Variants in SEMA3D observed in about 807,000 individuals in gnomAD.
The protein encoded by SEMA3D is semaphorin 3D.
Under a neutral mutation model 100.1 loss-of-function variants are expected in SEMA3D, and 84 were observed. That is an observed-to-expected ratio of 0.84 (90% CI 0.70 to 1.01). SEMA3D has a LOEUF of 1.01. Among genes scored for constraint, SEMA3D ranks in the 50% least tolerant of loss-of-function variants. The pLI is 0.00. For synonymous variants in SEMA3D, 312 were observed against 320.7 expected (o/e 0.97, Z 0.29); for missense variants, 875 against 934.1 (o/e 0.94, Z 0.82).
intron 1 of SEMA3D, among the ~76,000 whole-genome samples, chr7:85,176,976 G>T (rs1161774325): frequency 1.3e-5 from 2 of 152,082 alleles, no homozygotes; most frequent in East Asian, 3.8e-4. Flanking sequence ...TTCACACTGT[G>T]TCATAGTTGC....
At chr7:85,005,647 A>G (rs567620274) in intron 18 of SEMA3D, among the ~76,000 whole-genome samples, 23 of 152,040 alleles carry the variant, frequency 1.5e-4, no homozygotes, top group African/African-American at 5.1e-4. Context: ...AGGTTTCTTA[A>G]CCTCTCAGCA....
the SEMA3D span, among the ~76,000 whole-genome samples, chr7:85,194,260 G>A: frequency 1.3e-5 from 2 of 152,238 alleles, no homozygotes; most frequent in South Asian, 2.1e-4. Context: ...AGTGGTGAGA[G>A]GAGATAGCAT....
At chr7:85,153,026 A>G (rs778324444) in intron 2 of SEMA3D, among the ~76,000 whole-genome samples, 21 of 152,086 alleles carry the variant, frequency 1.4e-4, no homozygotes, top group Non-Finnish European at 2.5e-4. Flanking sequence ...GTTATAATGT[A>G]TATTCATCCC....
At chr7:85,172,171 C>T (rs1791103425) in intron 1 of SEMA3D, among the ~76,000 whole-genome samples, 3 of 151,892 alleles carry the variant, frequency 2.0e-5, no homozygotes, top group African/African-American at 7.3e-5. Flanking sequence ...ATTTAGAAAT[C>T]ACTAAATAAT....
chr7:85,240,834 T>A, the SEMA3D span, among the ~76,000 whole-genome samples: 2 of 152,154 alleles, frequency 1.3e-5, no homozygotes, highest in Non-Finnish European at 2.9e-5. Flanking sequence ...ATTTTAATGC[T>A]GTCTTTCTGT....
rs771741054 is a variant in SEMA3D, at chr7:85,097,934, A to G, written c.183T>C (p.Phe61=). The G allele has an allele frequency of 5.0e-6, 8 of 1,605,898 alleles. No individual in the cohort carries two copies. The African/African-American group carries it at 8.0e-5, about 16-fold the overall frequency. The change falls in exon 4 of 19, where the codon TTT becomes TTC. Residue 61 remains phenylalanine, a synonymous_variant. Transcript: ENST00000284136. ...AATCCAGTCCTTCTGATGAACCCAA[A>G]AAGGGAATACAGCTATTTGAAAGCA... The part of the protein sequence containing the change: ...DLLLSNSCIP[F]LGSSEGLDFQ...
At position 85,052,933 on chromosome 7, in the gene SEMA3D, T is replaced by G. The variant is rs185831625; in HGVS notation, c.861+2784A>C. Among the ~76,000 whole-genome samples the G allele has an allele frequency of 1.1e-3, 164 of 152,062 alleles. 1 individual carries two copies. The highest frequency in any genetic ancestry group is 3.8e-3 in the African/African-American group (159 of 41,540). On this transcript the variant is annotated intron_variant, in intron 9 of 18. Transcript: ENST00000284136. ...ATAATGTTTCTCTATTGCCAAAATC[T>G]TTTCCCCACCAATCACAGTATACTA...
At position 85,156,308 on chromosome 7, in the gene SEMA3D, G is replaced by A. The variant is rs571503618; in HGVS notation, c.-172-2569C>T. ...AGTAGAGATGGGGTTTCACCACATT[G>A]GCTAGGATGGTCTCTATCTCCTGAA... On this transcript the variant is annotated intron_variant, in intron 1 of 18. Transcript: ENST00000284136. 1.7e-4 allele frequency among the ~76,000 whole-genome samples: 26 copies of A among 151,650 alleles called. No homozygotes were observed. In the South Asian group the frequency reaches 5.0e-3, roughly 29 times the overall value.
the SEMA3D span, among the ~76,000 whole-genome samples, chr7:85,200,747 T>G: frequency 6.6e-6 from 1 of 152,014 alleles, no homozygotes; most frequent in African/African-American, 2.4e-5. Context: ...ATGATAGAGG[T>G]CTTCAGGGCA....
chr7:85,209,560 G>C, the SEMA3D span, among the ~76,000 whole-genome samples: 1 of 151,984 alleles, frequency 6.6e-6, no homozygotes, highest in African/African-American at 2.4e-5. Flanking sequence ...AAGCTTTGAA[G>C]AGCAAAAAGA....
intron 8 of SEMA3D, among the ~76,000 whole-genome samples, chr7:85,062,373 G>A (rs544001445): frequency 6.6e-6 from 1 of 152,110 alleles, no homozygotes; most frequent in African/African-American, 2.4e-5. Flanking sequence ...CCAGAGATGA[G>A]GTAATGAAGA....
At chr7:85,036,040 G>A (rs1051235521) in intron 12 of SEMA3D, among the ~76,000 whole-genome samples, 4 of 151,952 alleles carry the variant, frequency 2.6e-5, no homozygotes, top group African/African-American at 9.7e-5. Context: ...AGTAAAACTT[G>A]AAGAGTTAAG....
intron 1 of SEMA3D, among the ~76,000 whole-genome samples, chr7:85,166,981 G>A (rs1481793559): frequency 6.6e-6 from 1 of 151,868 alleles, no homozygotes; most frequent in East Asian, 1.9e-4. Context: ...TACAGTGAAT[G>A]TGAATGTAAA....
At chr7:85,012,754 A>G (rs1013587008) in intron 17 of SEMA3D, 28 bp downstream of exon 17, 1 of 1,564,372 alleles carries the variant, frequency 6.4e-7, no homozygotes, top group African/African-American at 1.4e-5. Context: ...TTTAAATGGG[A>G]GAAAAAGCAT....
rs1053975256 is a variant in SEMA3D at position 85,064,737 on chromosome 7, G to A, written c.718+687C>T. Reference sequence around the variant, plus strand: ...ATTTGATCTGTTGTAAGGCGGTGGTGGGGAGTGGGGTGGAGTTAGGTGCCT... The same window carrying A: ...ATTTGATCTGTTGTAAGGCGGTGGTAGGGAGTGGGGTGGAGTTAGGTGCCT... On this transcript the variant is annotated intron_variant, in intron 8 of 18. Coordinates refer to ENST00000284136, the MANE Select transcript of SEMA3D (RefSeq NM_001384900.1). Among the ~76,000 whole-genome samples the A allele has an allele frequency of 3.9e-5, 6 of 152,120 alleles. No homozygotes were observed. In the South Asian group the frequency reaches 6.2e-4, roughly 16 times the overall value.
intron 3 of SEMA3D, among the ~76,000 whole-genome samples, chr7:85,103,224 A>C (rs1427249901): frequency 2.6e-5 from 4 of 152,062 alleles, no homozygotes; most frequent in African/African-American, 9.7e-5. Context: ...TGGTAATTTT[A>C]GAGCCTGTAT....
intron 2 of SEMA3D, among the ~76,000 whole-genome samples, chr7:85,125,810 T>G (rs1210849403): frequency 1.3e-5 from 2 of 151,470 alleles, no homozygotes; most frequent in African/African-American, 4.9e-5. Flanking sequence ...GTGTGTTGTG[T>G]GCACATGTGT....
chr7:85,199,915 TGA>T, the SEMA3D span, among the ~76,000 whole-genome samples: 13 of 152,282 alleles, frequency 8.5e-5, no homozygotes, highest in South Asian at 2.7e-3. Flanking sequence ...TGACAGTGTA[TGA>T]GTCTTACGAG....
At position 85,006,235 on chromosome 7, in the gene SEMA3D, G is replaced by T. The variant is rs1018081378; in HGVS notation, c.1908+567C>A. On this transcript the variant is annotated intron_variant, in intron 18 of 18. Transcript: ENST00000284136. ...ATTTTGTTCACTTAGAAAATTGGGG[G>T]CTCAGGAACATTACCAAAGGTTTAA... Among the ~76,000 whole-genome samples, 7 of 151,932 alleles carry T rather than the reference G, an allele frequency of 4.6e-5. No individual in the cohort carries two copies. In the East Asian group the frequency reaches 1.4e-3, roughly 30 times the overall value.
Sources: allele counts gnomAD v4.1 joint callset (sites outside exome capture counted in the v4.1 genomes callset), GRCh38; gene constraint gnomAD v4.1.1; transcripts MANE v1.5; gene names NCBI Gene and HGNC (gene_info 2026-07-23, HGNC 2026-07-21).